The following AK7 variants were observed in gnomAD, a reference collection of about 807,000 sequenced individuals.
AK7 encodes the protein ATP-AMP transphosphorylase 7.
In AK7, 78 loss-of-function variants were observed where a neutral mutation model predicts 96.6. That is an observed-to-expected ratio of 0.81 (90% CI 0.67 to 0.97). AK7 has a LOEUF of 0.97. Ranked by LOEUF, AK7 falls within the 50% of genes least tolerant of loss-of-function variation. The probability of loss-of-function intolerance (pLI) is 0.00; values close to 1 mark genes in which losing one functional copy is unlikely to be tolerated. For synonymous variants in AK7, 302 were observed against 317.2 expected, an observed-to-expected ratio of 0.95 and a Z score of 0.51; for missense variants, 855 against 887.9, an observed-to-expected ratio of 0.96 and a Z score of 0.47.
At chr14:96,483,410 G>GTTTTTT (rs59424847) in intron 16 of AK7, among the ~76,000 whole-genome samples, 191 bp downstream of exon 16, 1 of 146,582 alleles carries the variant, frequency 6.8e-6, no homozygotes, top group Non-Finnish European at 1.5e-5. Context: ...CTTTTGCTTA[G>GTTTTTT]TTTTTTTTTT....
At chr14:96,484,710 T>G (rs2140182501) in intron 16 of AK7, among the ~76,000 whole-genome samples, 1 of 152,364 alleles carries the variant, frequency 6.6e-6, no homozygotes, top group East Asian at 1.9e-4. Flanking sequence ...ACATCCCCTT[T>G]TATACTTTTT....
intron 16 of AK7, among the ~76,000 whole-genome samples, chr14:96,484,950 G>A (rs1030371711): frequency 6.6e-6 from 1 of 152,206 alleles, no homozygotes; most frequent in Non-Finnish European, 1.5e-5. Flanking sequence ...GGGATGGAGG[G>A]AGGGAGGCAG....
intron 5 of AK7, among the ~76,000 whole-genome samples, chr14:96,434,482 G>A (rs537420564): frequency 5.9e-5 from 9 of 151,610 alleles, no homozygotes; most frequent in Non-Finnish European, 1.2e-4. Context: ...AAAGCTGGGG[G>A]TGGAGTGACA....
intron 5 of AK7, among the ~76,000 whole-genome samples, chr14:96,423,313 A>G (rs528513722): frequency 1.3e-5 from 2 of 152,290 alleles, no homozygotes; most frequent in South Asian, 2.1e-4. Flanking sequence ...AGAGGCAACC[A>G]ATCCTTATTT....
At chr14:96,466,285 G>A (rs1894563240) in intron 12 of AK7, among the ~76,000 whole-genome samples, 1 of 151,840 alleles carries the variant, frequency 6.6e-6, no homozygotes, top group Admixed American at 6.6e-5. Context: ...CACCCAGGCT[G>A]GAGTGCAGTG....
intron 4 of AK7, among the ~76,000 whole-genome samples, chr14:96,415,700 G>A (rs1891288722): frequency 7.0e-6 from 1 of 142,448 alleles, no homozygotes; most frequent in African/African-American, 2.7e-5. Context: ...TACAAATGAA[G>A]GGTAAATATT....
At chr14:96,416,945 C>G (rs1891381248) in intron 4 of AK7, among the ~76,000 whole-genome samples, 2 of 152,192 alleles carry the variant, frequency 1.3e-5, no homozygotes, top group South Asian at 4.1e-4. Flanking sequence ...TTCTCTCAGT[C>G]ACTTTCTCAA....
chr14:96,447,405 C>A (rs972164760), intron 8 of AK7, among the ~76,000 whole-genome samples: 2 of 152,174 alleles, frequency 1.3e-5, no homozygotes, highest in African/African-American at 4.8e-5. Flanking sequence ...CCCTTGACAT[C>A]CTGGGCTCAA....
At chr14:96,424,006 G>T in intron 5 of AK7, 1 of 813,276 alleles carries the variant, frequency 1.2e-6, no homozygotes, top group Non-Finnish European at 2.2e-6. Context: ...TGGAGCATCC[G>T]GGTCTGTCAA....
chr14:96,463,086 G>A (rs532261637), intron 12 of AK7, among the ~76,000 whole-genome samples: 1 of 152,144 alleles, frequency 6.6e-6, no homozygotes, highest in East Asian at 1.9e-4. Flanking sequence ...GCAGTGAGCT[G>A]AGATTGTGCC....
At chr14:96,469,921 G>A (rs944844971) in intron 12 of AK7, among the ~76,000 whole-genome samples, 20 of 152,198 alleles carry the variant, frequency 1.3e-4, no homozygotes, top group African/African-American at 3.9e-4. Flanking sequence ...GGGTTCAAGC[G>A]ATTCTCCTGC....
At chr14:96,401,761 C>T (rs1410587370) in intron 2 of AK7, among the ~76,000 whole-genome samples, 1 of 152,212 alleles carries the variant, frequency 6.6e-6, no homozygotes, top group Non-Finnish European at 1.5e-5. Flanking sequence ...CCTGGCTCAA[C>T]AAGTCACCTG....
rs10694621 is a variant in AK7 at position 96,414,757 on chromosome 14, C to CTTT, written c.498+5837_498+5839dup. The stretch of plus-strand genomic sequence containing the variant: ...AGGTTGAAGAAGATAAGGATTCCTT[C>CTTT]TTTTTTTTTTTTTTTTTTTTTTTAG... On this transcript the variant is annotated intron_variant, in intron 4 of 17. Transcript: ENST00000267584. Among the ~76,000 whole-genome samples the CTTT allele has an allele frequency of 5.6e-3, 563 of 100,086 alleles. 31 individuals are homozygous for CTTT. Among genetic ancestry groups the CTTT allele is most frequent in the East Asian group, 0.034 (107 of 3,114 alleles). 65.7% of individuals were successfully genotyped at this position (100,086 alleles called of 152,430 possible).
At chr14:96,423,374 G>A (rs540285740) in intron 5 of AK7, among the ~76,000 whole-genome samples, 2 of 152,236 alleles carry the variant, frequency 1.3e-5, no homozygotes, top group African/African-American at 2.4e-5. Context: ...CTCTATTACT[G>A]TAGACCTGGT....
intron 5 of AK7, among the ~76,000 whole-genome samples, chr14:96,427,675 T>C (rs957563609): frequency 6.6e-6 from 1 of 152,242 alleles, no homozygotes; most frequent in Non-Finnish European, 1.5e-5. Context: ...ATTTGAGAAG[T>C]TCTCCACTAT....
chr14:96,450,746 AG>A (rs1389864642), intron 9 of AK7, among the ~76,000 whole-genome samples: 4 of 150,780 alleles, frequency 2.7e-5, no homozygotes, highest in Non-Finnish European at 5.9e-5. Flanking sequence ...TGATGGTCAA[AG>A]GTCAGAGGGA....
intron 6 of AK7, 66 bp from the exon 7 acceptor site, chr14:96,442,664 A>T: frequency 8.2e-7 from 1 of 1,221,036 alleles, no homozygotes; most frequent in Non-Finnish European, 1.2e-6. Context: ...CTGTAGACTT[A>T]TGTGTGAGCT....
chr14:96,411,084 A>G (rs999116992), intron 4 of AK7, among the ~76,000 whole-genome samples: 1 of 152,230 alleles, frequency 6.6e-6, no homozygotes, highest in Non-Finnish European at 1.5e-5. Context: ...ATGCAGTTGT[A>G]CAACCACCAC....
chr14:96,425,640 G>A (rs565576107), intron 5 of AK7, among the ~76,000 whole-genome samples: 4 of 151,864 alleles, frequency 2.6e-5, no homozygotes, highest in East Asian at 1.9e-4. Context: ...GTGCCACCAC[G>A]CCTGGCTAAA....
Sources: allele counts gnomAD v4.1 joint callset (sites outside exome capture counted in the v4.1 genomes callset), GRCh38; gene constraint gnomAD v4.1.1; transcripts MANE v1.5; gene names NCBI Gene and HGNC (gene_info 2026-07-23, HGNC 2026-07-21).